EPHX2: variants seen among roughly 807,000 people sequenced by gnomAD.
EPHX2 encodes the protein epoxide hydrolase 2.
In EPHX2, 74 loss-of-function variants were observed where a neutral mutation model predicts 78.7. The ratio of observed to expected loss-of-function variants is 0.94; its 90% confidence interval spans 0.78 to 1.14. The LOEUF (loss-of-function observed/expected upper bound fraction) is 1.14, where lower values mean the gene tolerates loss of function less well. Ranked by LOEUF, EPHX2 falls within the 50% of genes most tolerant of loss-of-function variation. The pLI is 0.00. For missense variants in EPHX2, 715 were observed against 702.5 expected, an observed-to-expected ratio of 1.02 and a Z score of -0.20; for synonymous variants, 251 against 255.2, an observed-to-expected ratio of 0.98 and a Z score of 0.16.
At chr8:27,510,925 G>A (rs1189138816) in intron 5 of EPHX2, among the ~76,000 whole-genome samples, 1 of 152,160 alleles carries the variant, frequency 6.6e-6, no homozygotes, top group African/African-American at 2.4e-5. Flanking sequence ...TGTCAGCCTG[G>A]ATGACAGAGC....
chr8:27,538,703 T>C lies in EPHX2; in HGVS notation c.1276+11T>C. ...AAGTCTGTGAAGCGGGTAAGAGACA[T>C]GCTTGGGAGAGCCATATCTGGAACC... On this transcript the variant is annotated intron_variant, in intron 14 of 18. Transcript: ENST00000521400. 1 of 1,613,486 alleles carries C rather than the reference T, an allele frequency of 6.2e-7. No homozygotes were observed. Among genetic ancestry groups the C allele is most frequent in the Non-Finnish European group, 8.5e-7 (1 of 1,179,380 alleles).
chr8:27,506,650 C>A (rs1377052058), intron 4 of EPHX2, among the ~76,000 whole-genome samples: 1 of 152,220 alleles, frequency 6.6e-6, no homozygotes, highest in Non-Finnish European at 1.5e-5. Context: ...GTATCCTCTC[C>A]TAACCCTCTT....
intron 5 of EPHX2, among the ~76,000 whole-genome samples, chr8:27,508,372 AGCCCAT>A (rs1219467843): frequency 1.3e-5 from 2 of 152,242 alleles, no homozygotes; most frequent in African/African-American, 4.8e-5. Flanking sequence ...GATACAGTTT[AGCCCAT>A]GACAAGACTG....
At chr8:27,537,971 A>C (rs1271530429) in intron 13 of EPHX2, among the ~76,000 whole-genome samples, 2 of 152,176 alleles carry the variant, frequency 1.3e-5, no homozygotes, top group Non-Finnish European at 2.9e-5. Context: ...TGAGTGGTTA[A>C]GGATTTCTTC....
intron 16 of EPHX2, among the ~76,000 whole-genome samples, chr8:27,543,250 C>T (rs1419393779): frequency 6.6e-6 from 1 of 151,906 alleles, no homozygotes; most frequent in Non-Finnish European, 1.5e-5. Flanking sequence ...AATGGTGGAG[C>T]GAGAACAAAG....
intron 12 of EPHX2, among the ~76,000 whole-genome samples, chr8:27,526,759 AT>A (rs928046298): frequency 2.3e-4 from 35 of 151,404 alleles, no homozygotes; most frequent in Non-Finnish European, 4.4e-4. Context: ...ATTAAAAAAA[AT>A]TTTTTTTGAG....
At position 27,505,143 on chromosome 8, in the gene EPHX2, T is replaced by G. The variant is rs1413032106; in HGVS notation, c.534T>G (p.Ser178Arg). Residue 178 changes from serine to arginine, a missense_variant, in exon 4 of 19, where the codon AGT (serine) becomes AGG (arginine). By Grantham distance (110) the Ser-to-Arg change is moderately radical. Coordinates refer to ENST00000521400, the MANE Select transcript of EPHX2 (RefSeq NM_001979.6). ...TGGACACCCTGAAGGCCAGCCCCAG[T>G]GAGGTACGGAGACACTTCCTTATGG... is the stretch of plus-strand genomic sequence containing the variant. ...FLLDTLKASP[S>R]EVVFLDDIGA... 1 of 1,613,994 alleles carries G rather than the reference T, an allele frequency of 6.2e-7. No individual in the cohort carries two copies. The highest frequency in any genetic ancestry group is 1.3e-5 in the African/African-American group (1 of 75,006).
chr8:27,503,129 A>C (rs1345686922), intron 2 of EPHX2, among the ~76,000 whole-genome samples: 1 of 152,210 alleles, frequency 6.6e-6, no homozygotes, highest in African/African-American at 2.4e-5. Flanking sequence ...AGCCCCTTCT[A>C]CCATGTGAAG....
chr8:27,497,853 T>C (rs1401316290), intron 1 of EPHX2, among the ~76,000 whole-genome samples: 1 of 152,168 alleles, frequency 6.6e-6, no homozygotes, highest in Non-Finnish European at 1.5e-5. Context: ...GCGACTCCAG[T>C]CCCCATGATC....
intron 1 of EPHX2, among the ~76,000 whole-genome samples, chr8:27,494,520 T>C (rs1252757586): frequency 6.6e-6 from 1 of 152,212 alleles, no homozygotes; most frequent in Non-Finnish European, 1.5e-5. Flanking sequence ...CAAGGCTTCA[T>C]CCAATTTGCA....
At chr8:27,498,407 C>T (rs73227320) in intron 1 of EPHX2, among the ~76,000 whole-genome samples, 11,019 of 151,746 alleles carry the variant, frequency 0.073, 514 homozygotes, top group Middle Eastern at 0.15. Flanking sequence ...CTTGTTGTAT[C>T]AAGTTGCTTT....
chr8:27,517,893 C>T (rs1323743066), intron 8 of EPHX2, 145 bp from the exon 9 acceptor site: 1 of 660,052 alleles, frequency 1.5e-6, no homozygotes, highest in East Asian at 2.8e-5. Flanking sequence ...CTCGAGTCTA[C>T]CTCAGTCTAA....
In EPHX2 at chr8:27,491,244, G is replaced by C. The variant is rs553614248; in HGVS notation, c.36G>C (p.Gly12=). The C allele has an allele frequency of 1.2e-4, 195 of 1,585,344 alleles. No individual in the cohort carries two copies. Among genetic ancestry groups the C allele is most frequent in the Non-Finnish European group, 1.6e-4 (188 of 1,174,534 alleles). ...GCGCGGCCGTCTTCGACCTTGACGG[G>C]GTGCTGGCGCTGCCAGCGGTGTTCG... The part of the protein sequence containing the change: ...TLRAAVFDLD[G]VLALPAVFGV... The change falls in exon 1 of 19, where the codon GGG becomes GGC. Residue 12 remains glycine, a synonymous_variant. Coordinates refer to ENST00000521400, the MANE Select transcript of EPHX2 (RefSeq NM_001979.6).
At chr8:27,507,064 C>T (rs1463430285) in intron 5 of EPHX2, 70 bp downstream of exon 5, 17 of 1,573,338 alleles carry the variant, frequency 1.1e-5, no homozygotes, top group South Asian at 5.8e-5. Flanking sequence ...GAGAAAACCA[C>T]GAGCAGAGAA....
intron 8 of EPHX2, among the ~76,000 whole-genome samples, chr8:27,516,842 T>G (rs970150377): frequency 6.6e-6 from 1 of 152,200 alleles, no homozygotes; most frequent in Admixed American, 6.5e-5. Flanking sequence ...TTTGTGCTTT[T>G]GTGTCTGGCT....
intron 13 of EPHX2, among the ~76,000 whole-genome samples, chr8:27,537,645 T>A (rs1815255356): frequency 6.6e-6 from 1 of 152,160 alleles, no homozygotes; most frequent in South Asian, 2.1e-4. Flanking sequence ...GAAAGTTTTA[T>A]TTGGTTCTTT....
intron 7 of EPHX2, among the ~76,000 whole-genome samples, 186 bp downstream of exon 7, chr8:27,515,999 T>C (rs1814436403): frequency 6.6e-6 from 1 of 152,220 alleles, no homozygotes; most frequent in Non-Finnish European, 1.5e-5. Flanking sequence ...CGAGGCACTT[T>C]TGCAGATTAG....
At position 27,540,559 on chromosome 8, in the gene EPHX2, C is replaced by T; in HGVS notation, c.1282C>T (p.Leu428Phe). Residue 428 changes from leucine (L) to phenylalanine (F), a missense_variant, in exon 15 of 19, where the codon CTT becomes TTT. Transcript: ENST00000521400. ...SMHKVCEAGG[L>F]FVNSPEEPSL... Reference sequence around the variant, plus strand: ...ACAAGTGGCTTTTTTTGCAGGAGGACTTTTTGTAAATAGCCCAGAAGAGCC... The same window carrying T: ...ACAAGTGGCTTTTTTTGCAGGAGGATTTTTTGTAAATAGCCCAGAAGAGCC... 6.2e-7 allele frequency: 1 copy of T among 1,614,080 alleles called. No individual in the cohort carries two copies. Among genetic ancestry groups the T allele is most frequent in the Non-Finnish European group, 8.5e-7 (1 of 1,179,972 alleles).
At chr8:27,522,012 GTTGT>G (rs934735962) in intron 10 of EPHX2, among the ~76,000 whole-genome samples, 3 of 152,210 alleles carry the variant, frequency 2.0e-5, no homozygotes, top group East Asian at 1.9e-4. Flanking sequence ...ACTTTTAATG[GTTGT>G]TTAAGGGAGG....
Sources: allele counts gnomAD v4.1 joint callset (sites outside exome capture counted in the v4.1 genomes callset), GRCh38; gene constraint gnomAD v4.1.1; transcripts MANE v1.5; gene names NCBI Gene and HGNC (gene_info 2026-07-23, HGNC 2026-07-21).